Variants in EDNRB observed in about 807,000 individuals in gnomAD.
EDNRB encodes Hirschsprung disease 2.
EDNRB carries 18 observed loss-of-function variants against 46.4 expected under a neutral mutation model. The ratio of observed to expected loss-of-function variants is 0.39; its 90% CI spans 0.27 to 0.57. The LOEUF (loss-of-function observed/expected upper bound fraction) is 0.57, where lower values mean the gene tolerates loss of function less well. EDNRB is among the 20% of genes least tolerant of loss of function. EDNRB has a pLI of 0.61. For synonymous variants in EDNRB, 213 were observed against 204.9 expected (o/e 1.04, Z -0.34); for missense variants, 434 against 537.5 (o/e 0.81, Z 1.90).
chr13:77,919,638 G>A (rs1330629248), upstream of EDNRB: 6 of 1,576,476 alleles, frequency 3.8e-6, no homozygotes, highest in African/African-American at 4.0e-5. Flanking sequence ...ATCAATCACC[G>A]CCAGACTCCT....
Position 77,899,777 on chromosome 13 carries a change from C to A in EDNRB, c.1194+82G>T, listed in dbSNP as rs1878839525. 3 of 1,028,674 alleles carry A rather than the reference C, an allele frequency of 2.9e-6. No homozygotes were observed. In the Admixed American group the frequency reaches 5.7e-5, roughly 19 times the overall value. The allele number at this position is 1,028,674 out of a possible 1,614,324, so 63.7% of individuals were successfully genotyped here. On this transcript the variant is annotated intron_variant, in intron 6 of 6. Transcript: ENST00000646607. ...CTATAAGATAATTTACTAAATCTGTCTGGATAGATATATTAGCAGTTTTGA... is the reference window on the plus strand; with the variant it reads ...CTATAAGATAATTTACTAAATCTGTATGGATAGATATATTAGCAGTTTTGA...
intron 1 of EDNRB, among the ~76,000 whole-genome samples, chr13:77,945,978 A>T (rs1880899131): frequency 6.6e-6 from 1 of 152,132 alleles, no homozygotes; most frequent in Admixed American, 6.5e-5. Flanking sequence ...TATCACACAA[A>T]GATAGTCAGG....
chr13:77,965,411 G>T (rs1881552843), intron 1 of EDNRB, among the ~76,000 whole-genome samples: 1 of 152,118 alleles, frequency 6.6e-6, no homozygotes, highest in African/African-American at 2.4e-5. Context: ...CTGCCATTTT[G>T]GTATAGGCAG....
At chr13:77,964,744 T>C (rs554733621) in intron 1 of EDNRB, among the ~76,000 whole-genome samples, 4 of 152,284 alleles carry the variant, frequency 2.6e-5, no homozygotes, top group Admixed American at 1.3e-4. Flanking sequence ...AACTTGCACG[T>C]TGTGCACATG....
At chr13:77,969,206 A>G (rs553341687) in intron 1 of EDNRB, among the ~76,000 whole-genome samples, 3 of 152,334 alleles carry the variant, frequency 2.0e-5, no homozygotes, top group East Asian at 3.9e-4. Flanking sequence ...TTTCATAAAC[A>G]GTAATATTTT....
intron 6 of EDNRB, 107 bp from the exon 7 acceptor site, chr13:77,898,441 C>T: frequency 1.3e-6 from 2 of 1,503,428 alleles, no homozygotes; most frequent in Non-Finnish European, 9.0e-7. Context: ...AGTTCTTGGG[C>T]CCTTTCTTTC....
upstream of EDNRB, chr13:77,919,707 G>T: frequency 2.3e-6 from 3 of 1,289,764 alleles, no homozygotes; most frequent in South Asian, 1.5e-5. Flanking sequence ...GACAGCATCA[G>T]TAGTAGTTGC....
chr13:77,969,879 A>G (rs79761770), intron 1 of EDNRB, among the ~76,000 whole-genome samples: 2,177 of 152,322 alleles, frequency 0.014, 45 homozygotes, highest in East Asian at 0.024. Context: ...AAATGTTTCT[A>G]CGAGGTCAGC....
At chr13:77,965,729 G>C (rs193123268) in intron 1 of EDNRB, among the ~76,000 whole-genome samples, 67 of 152,244 alleles carry the variant, frequency 4.4e-4, no homozygotes, top group African/African-American at 1.5e-3. Context: ...TACTGGGCCT[G>C]AAATCAGTAC....
Position 77,899,716 on chromosome 13 carries a change from T to C in EDNRB, c.1194+143A>G. 5.9e-6 allele frequency: 4 copies of C among 678,246 alleles called. No homozygotes were observed. In the South Asian group the frequency reaches 7.4e-5, roughly 12 times the overall value. The allele number at this position is 678,246 out of a possible 1,614,324, so 42.0% of individuals were successfully genotyped here. On this transcript the variant is annotated intron_variant, in intron 6 of 6. Coordinates refer to ENST00000646607, the MANE Select transcript of EDNRB (RefSeq NM_001122659.3). Reference sequence around the variant, plus strand: ...TAGTGATTTACAAGCAAAAGTTGTATTTAAAAAAATCATCCATGATGTAAT... The same window carrying C: ...TAGTGATTTACAAGCAAAAGTTGTACTTAAAAAAATCATCCATGATGTAAT...
upstream of EDNRB, among the ~76,000 whole-genome samples, chr13:77,920,100 C>T (rs570905461): frequency 1.3e-5 from 2 of 152,252 alleles, no homozygotes; most frequent in Admixed American, 1.3e-4. Context: ...CTCATTTTCC[C>T]CAGTACAGCT....
chr13:77,942,224 T>C (rs1332007230), intron 1 of EDNRB, among the ~76,000 whole-genome samples: 13 of 152,206 alleles, frequency 8.5e-5, no homozygotes, highest in Admixed American at 8.5e-4. Context: ...GCTTCCTTAC[T>C]GTTTGGTATT....
intron 1 of EDNRB, among the ~76,000 whole-genome samples, chr13:77,972,122 G>T (rs1362183545): frequency 2.0e-5 from 3 of 152,246 alleles, no homozygotes. Flanking sequence ...GACCCACAGG[G>T]TGCCAGACTT....
intron 1 of EDNRB, among the ~76,000 whole-genome samples, chr13:77,960,321 A>G (rs1275286622): frequency 6.6e-6 from 1 of 152,264 alleles, no homozygotes; most frequent in East Asian, 1.9e-4. Flanking sequence ...AAAGCCCATC[A>G]GACTAACAGC....
At chr13:77,920,914 C>T (rs1197212674), upstream of EDNRB, among the ~76,000 whole-genome samples, 1 of 152,200 alleles carries the variant, frequency 6.6e-6, no homozygotes, top group East Asian at 1.9e-4. Context: ...GGGTTCATGC[C>T]TATGGCTCCT....
chr13:77,933,857 T>C (rs1196453338), intron 1 of EDNRB, among the ~76,000 whole-genome samples: 1 of 152,160 alleles, frequency 6.6e-6, no homozygotes, highest in African/African-American at 2.4e-5. Flanking sequence ...GAAACATTTG[T>C]CATTTAGAAT....
At chr13:77,937,536 C>A (rs1880602279) in intron 1 of EDNRB, among the ~76,000 whole-genome samples, 1 of 152,150 alleles carries the variant, frequency 6.6e-6, no homozygotes, top group African/African-American at 2.4e-5. Context: ...TAAATGCTGA[C>A]TGATCTGAGA....
chr13:77,948,486 G>A (rs150465792), intron 1 of EDNRB, among the ~76,000 whole-genome samples: 11 of 152,234 alleles, frequency 7.2e-5, no homozygotes, highest in South Asian at 4.1e-4. Context: ...TATCTGATAC[G>A]TCTACAATTC....
intron 1 of EDNRB, among the ~76,000 whole-genome samples, chr13:77,926,302 C>A (rs947611890): frequency 3.3e-5 from 5 of 152,180 alleles, no homozygotes; most frequent in African/African-American, 1.2e-4. Context: ...CGTCAGGCTG[C>A]AAATTTTCTA....
Sources: allele counts gnomAD v4.1 joint callset (sites outside exome capture counted in the v4.1 genomes callset), GRCh38; gene constraint gnomAD v4.1.1; transcripts MANE v1.5; gene names NCBI Gene and HGNC (gene_info 2026-07-23, HGNC 2026-07-21).